CCNY: variants seen among roughly 807,000 people sequenced by gnomAD.
The protein encoded by CCNY is cyclin Y, also known as cyclin-Y.
In CCNY, 19 loss-of-function variants were observed where a neutral mutation model predicts 42.8. That is an observed-to-expected ratio of 0.44 (90% CI 0.31 to 0.65). CCNY has a LOEUF of 0.65. CCNY is among the 30% of genes least tolerant of loss of function. The pLI, the probability that CCNY is intolerant of heterozygous loss-of-function variation, is 0.07. For synonymous variants in CCNY, 165 were observed against 162.7 expected (o/e 1.01, Z -0.11); for missense variants, 370 against 437.3 (o/e 0.85, Z 1.37).
Position 35,299,006 on chromosome 10 carries a change from G to A in CCNY, c.-9+48380G>A, listed in dbSNP as rs190121739. Among the ~76,000 whole-genome samples the A allele has an allele frequency of 2.2e-4, 34 of 152,256 alleles. No individual in the cohort carries two copies. In the East Asian group the frequency reaches 4.2e-3, roughly 19 times the overall value. On this transcript the variant is annotated intron_variant, in intron 3 of 11. Transcript: ENST00000374706. ...TACCAAGAAGTGCAATTGTTTATAT[G>A]TTTGACTTCATTATTTAAAAAAACT...
intron 1 of CCNY, among the ~76,000 whole-genome samples, chr10:35,380,604 C>T (rs1837161569): frequency 6.6e-6 from 1 of 152,192 alleles, no homozygotes; most frequent in Non-Finnish European, 1.5e-5. Flanking sequence ...GTACAACTAT[C>T]ACATATAGAG....
chr10:35,373,596 C>A (rs544359679), intron 1 of CCNY, among the ~76,000 whole-genome samples: 4 of 152,172 alleles, frequency 2.6e-5, no homozygotes, highest in African/African-American at 7.2e-5. Context: ...AAAACCAACC[C>A]CTCTTCTTCC....
intron 3 of CCNY, among the ~76,000 whole-genome samples, chr10:35,324,563 T>G (rs1179177156): frequency 6.6e-6 from 1 of 151,994 alleles, no homozygotes; most frequent in Non-Finnish European, 1.5e-5. Context: ...TTGAAAAGAG[T>G]TTGTAAGCAC....
intron 3 of CCNY, among the ~76,000 whole-genome samples, chr10:35,300,810 A>T: frequency 6.6e-6 from 1 of 151,994 alleles, no homozygotes; most frequent in Middle Eastern, 3.4e-3. Context: ...CATTATTATT[A>T]TTATTATTTT....
At chr10:35,399,488 G>A (rs1314983511) in intron 1 of CCNY, among the ~76,000 whole-genome samples, 1 of 152,184 alleles carries the variant, frequency 6.6e-6, no homozygotes, top group African/African-American at 2.4e-5. Flanking sequence ...GGCCGACACA[G>A]GACACAACGC....
intron 1 of CCNY, among the ~76,000 whole-genome samples, chr10:35,457,116 A>G (rs555250115): frequency 6.6e-6 from 1 of 152,306 alleles, no homozygotes; most frequent in South Asian, 2.1e-4. Flanking sequence ...TTTGTCCTGA[A>G]TTACATGTTC....
intron 1 of CCNY, among the ~76,000 whole-genome samples, chr10:35,367,361 T>G (rs1196737334): frequency 6.6e-6 from 1 of 152,208 alleles, no homozygotes; most frequent in Non-Finnish European, 1.5e-5. Flanking sequence ...ATCTTCCTTC[T>G]CTGTAAAATG....
chr10:35,405,076 A>G (rs1321223156), intron 1 of CCNY, among the ~76,000 whole-genome samples: 1 of 152,190 alleles, frequency 6.6e-6, no homozygotes, highest in Non-Finnish European at 1.5e-5. Flanking sequence ...CACTGGGTGG[A>G]TAGGCAAGAC....
At chr10:35,446,080 C>T (rs2135304539) in intron 1 of CCNY, among the ~76,000 whole-genome samples, 1 of 152,310 alleles carries the variant, frequency 6.6e-6, no homozygotes, top group Non-Finnish European at 1.5e-5. Context: ...TTATTTGTCT[C>T]ACGGGAGGAT....
In CCNY at chr10:35,317,038, G is replaced by T. The variant is rs1006791776; in HGVS notation, c.-9+66412G>T. Reference sequence around the variant, plus strand: ...TTTTTCTATTTTTAGTAGAGATGGGGGTTTCACCATGTTGGCCAGGCTGGT... The same window carrying T: ...TTTTTCTATTTTTAGTAGAGATGGGTGTTTCACCATGTTGGCCAGGCTGGT... On this transcript the variant is annotated intron_variant, in intron 3 of 11. Coordinates refer to the CCNY transcript ENST00000374706. Among the ~76,000 whole-genome samples the T allele has an allele frequency of 4.6e-5, 7 of 152,246 alleles. No homozygotes were observed. In the East Asian group the frequency reaches 1.4e-3, roughly 29 times the overall value.
At chr10:35,319,465 C>T (rs1835796960) in intron 3 of CCNY, among the ~76,000 whole-genome samples, 1 of 152,076 alleles carries the variant, frequency 6.6e-6, no homozygotes, top group African/African-American at 2.4e-5. Context: ...TAGATATCAC[C>T]ACAGATCTTG....
At chr10:35,253,288 C>T (rs1350925481) in intron 3 of CCNY, among the ~76,000 whole-genome samples, 1 of 152,050 alleles carries the variant, frequency 6.6e-6, no homozygotes, top group East Asian at 1.9e-4. Flanking sequence ...CTCACTCTGT[C>T]ATCTAGGCTG....
chr10:35,560,985 G>A (rs184158984), intron 8 of CCNY, among the ~76,000 whole-genome samples: 19 of 152,276 alleles, frequency 1.2e-4, no homozygotes, highest in Admixed American at 2.6e-4. Flanking sequence ...AGGCACTGCC[G>A]GTGAGTTTTC....
chr10:35,264,241 T>TA (rs1232702045), intron 3 of CCNY, among the ~76,000 whole-genome samples: 1 of 152,172 alleles, frequency 6.6e-6, no homozygotes, highest in Non-Finnish European at 1.5e-5. Flanking sequence ...TCTTTTTTTT[T>TA]ATTTTATTAT....
At chr10:35,483,987 G>A (rs539374415) in intron 2 of CCNY, among the ~76,000 whole-genome samples, 3 of 151,542 alleles carry the variant, frequency 2.0e-5, no homozygotes, top group Non-Finnish European at 4.4e-5. Flanking sequence ...GTTTATTCTT[G>A]TAGATCGTAC....
At chr10:35,265,564 G>A (rs867082081) in intron 3 of CCNY, among the ~76,000 whole-genome samples, 1 of 152,224 alleles carries the variant, frequency 6.6e-6, no homozygotes, top group Non-Finnish European at 1.5e-5. Context: ...GGTCTTGACC[G>A]TGCAGCCAGC....
chr10:35,518,831 T>C (rs1349284491), intron 4 of CCNY, among the ~76,000 whole-genome samples: 3 of 128,384 alleles, frequency 2.3e-5, no homozygotes, highest in East Asian at 2.4e-4. Context: ...CTTGATTGAA[T>C]CTGGCTGAGG....
At chr10:35,283,388 A>G (rs994099463) in intron 3 of CCNY, among the ~76,000 whole-genome samples, 2 of 152,060 alleles carry the variant, frequency 1.3e-5, no homozygotes, top group Non-Finnish European at 2.9e-5. Context: ...AGCTTATTGT[A>G]CAAGTGTAAG....
intron 1 of CCNY, among the ~76,000 whole-genome samples, chr10:35,380,246 G>A (rs540017100): frequency 8.6e-4 from 131 of 152,248 alleles, no homozygotes; most frequent in African/African-American, 2.9e-3. Flanking sequence ...GTCAGCTCAG[G>A]GTCCAATCAT....
Sources: gnomAD v4.1 joint callset for allele counts (sites outside exome capture counted in the v4.1 genomes callset) on GRCh38, gnomAD v4.1.1 for gene constraint, MANE v1.5 for transcripts, NCBI Gene and HGNC (gene_info 2026-07-23, HGNC 2026-07-21) for gene names.